FAM135B: variants seen among roughly 807,000 people sequenced by gnomAD.
The protein encoded by FAM135B is family with sequence similarity 135 member B.
A neutral mutation model predicts 127.7 loss-of-function variants in FAM135B; 43 were observed. The observed-to-expected ratio is 0.34, with a 90% CI of 0.26 to 0.43. The LOEUF is 0.43. Among genes scored for constraint, FAM135B ranks in the 20% least tolerant of loss-of-function variants. The pLI is 1.00. For synonymous variants in FAM135B, 670 were observed against 665.1 expected, an observed-to-expected ratio of 1.01 and a Z score of -0.11; for missense variants, 1,558 against 1,725.6, an observed-to-expected ratio of 0.90 and a Z score of 1.72.
chr8:138,157,418 C>G (rs79614677), intron 12 of FAM135B, among the ~76,000 whole-genome samples: 1 of 151,984 alleles, frequency 6.6e-6, no homozygotes. Flanking sequence ...ACCACTCCTA[C>G]TCAACATGGT....
rs113152854 is a variant in FAM135B, at chr8:138,378,734, CTT to C, written c.-19-10734_-19-10733del. On this transcript the variant is annotated intron_variant, in intron 1 of 19. Transcript: ENST00000395297. ...AATCAAAACCGGCTGTGTATGTTTGCTTTTTTTTTTTCACATCTGAAGACAGT... is the reference window on the plus strand; with the variant it reads ...AATCAAAACCGGCTGTGTATGTTTGCTTTTTTTTTCACATCTGAAGACAGT... 4.8e-5 allele frequency among the ~76,000 whole-genome samples: 7 copies of C among 146,746 alleles called. No individual in the cohort carries two copies. The East Asian group carries it at 1.4e-3, about 29-fold the overall frequency.
chr8:138,351,714 G>A (rs556435352), intron 2 of FAM135B, among the ~76,000 whole-genome samples: 1 of 140,754 alleles, frequency 7.1e-6, no homozygotes, highest in Non-Finnish European at 1.5e-5. Flanking sequence ...TTTTAAGATG[G>A]AATCTCACTC....
chr8:138,375,260 G>A (rs372661416), intron 1 of FAM135B, among the ~76,000 whole-genome samples: 2,693 of 151,184 alleles, frequency 0.018, 82 homozygotes, highest in African/African-American at 0.062. Flanking sequence ...TGATTGTTTT[G>A]TCAAAAATCA....
chr8:138,415,630 A>G (rs1834101441), intron 1 of FAM135B, among the ~76,000 whole-genome samples: 1 of 152,218 alleles, frequency 6.6e-6, no homozygotes, highest in South Asian at 2.1e-4. Context: ...GAAGCTTCCC[A>G]AGGAAAAAAG....
At chr8:138,143,195 C>T (rs1266113519) in intron 15 of FAM135B, 86 bp from the exon 16 acceptor site, 5 of 735,500 alleles carry the variant, frequency 6.8e-6, no homozygotes, top group Non-Finnish European at 1.2e-5. Flanking sequence ...CCACTAAACA[C>T]TGTGGCGCCT....
chr8:138,221,841 G>T (rs754448301), intron 7 of FAM135B, among the ~76,000 whole-genome samples: 1 of 152,120 alleles, frequency 6.6e-6, no homozygotes, highest in Non-Finnish European at 1.5e-5. Context: ...ATGTATATAT[G>T]AGTGTGCACA....
chr8:138,309,408 GA>G (rs1826496749), intron 3 of FAM135B, among the ~76,000 whole-genome samples: 1 of 152,162 alleles, frequency 6.6e-6, no homozygotes, highest in South Asian at 2.1e-4. Context: ...GAACACCTTG[GA>G]AATACGGCAA....
At chr8:138,205,082 T>C (rs1817452206) in intron 7 of FAM135B, among the ~76,000 whole-genome samples, 1 of 152,340 alleles carries the variant, frequency 6.6e-6, no homozygotes, top group South Asian at 2.1e-4. Context: ...TATCCCATTT[T>C]CACTGATAAG....
Position 138,159,043 on chromosome 8 carries a change from C to T in FAM135B, c.1259-5827G>A, listed in dbSNP as rs548900635. Among the ~76,000 whole-genome samples, 272 of 150,768 alleles carry T rather than the reference C, an allele frequency of 1.8e-3. 1 individual carries two copies. Among genetic ancestry groups the T allele is most frequent in the African/African-American group, 5.2e-3 (215 of 41,044 alleles). ...ATCCCAGCACTTTGGGAGGCCGAGGCGGGTGGATCATGAGGTCAGGAGATC... is the reference window on the plus strand; with the variant it reads ...ATCCCAGCACTTTGGGAGGCCGAGGTGGGTGGATCATGAGGTCAGGAGATC... On this transcript the variant is annotated intron_variant, in intron 12 of 19. Transcript: ENST00000395297.
chr8:138,268,514 CT>C (rs909755333), intron 3 of FAM135B, among the ~76,000 whole-genome samples: 1 of 152,026 alleles, frequency 6.6e-6, no homozygotes, highest in African/African-American at 2.4e-5. Flanking sequence ...GAACAGGTGT[CT>C]TTTTTTACAA....
chr8:138,194,159 T>C (rs1411946836), intron 9 of FAM135B, among the ~76,000 whole-genome samples: 1 of 152,206 alleles, frequency 6.6e-6, no homozygotes, highest in Non-Finnish European at 1.5e-5. Flanking sequence ...TACAGTCTGC[T>C]GGCCCTGCAT....
At chr8:138,300,948 C>G (rs902896167) in intron 3 of FAM135B, among the ~76,000 whole-genome samples, 3 of 152,070 alleles carry the variant, frequency 2.0e-5, no homozygotes, top group African/African-American at 4.8e-5. Flanking sequence ...GGCGGGGTTT[C>G]ACCATGTTGT....
At chr8:138,224,855 TA>T (rs1290470456) in intron 7 of FAM135B, among the ~76,000 whole-genome samples, 1 of 152,012 alleles carries the variant, frequency 6.6e-6, no homozygotes, top group South Asian at 2.1e-4. Flanking sequence ...ATGTGGAATC[TA>T]AAAAAAGTCA....
intron 7 of FAM135B, among the ~76,000 whole-genome samples, chr8:138,204,601 C>G (rs1031182141): frequency 3.3e-5 from 5 of 152,176 alleles, no homozygotes; most frequent in Admixed American, 2.0e-4. Flanking sequence ...CAGGGTCCAG[C>G]TTACCCTCAC....
chr8:138,153,326 G>T, intron 12 of FAM135B, 110 bp from the exon 13 acceptor site: 1 of 839,302 alleles, frequency 1.2e-6, no homozygotes. Context: ...GACTCGGTTC[G>T]AAGATGGGAG....
chr8:138,190,222 C>T (rs374297581), intron 9 of FAM135B, among the ~76,000 whole-genome samples: 1 of 152,318 alleles, frequency 6.6e-6, no homozygotes, highest in East Asian at 1.9e-4. Flanking sequence ...ACAACCCTCA[C>T]CACTGTAGAT....
intron 1 of FAM135B, among the ~76,000 whole-genome samples, chr8:138,378,272 G>T (rs1459693797): frequency 1.3e-5 from 2 of 152,204 alleles, no homozygotes; most frequent in African/African-American, 4.8e-5. Flanking sequence ...GAAGGCAGGA[G>T]CACCTACTGG....
chr8:138,179,558 T>A (rs116064868), intron 9 of FAM135B, among the ~76,000 whole-genome samples: 1 of 152,192 alleles, frequency 6.6e-6, no homozygotes, highest in Non-Finnish European at 1.5e-5. Context: ...CACCTTCGCA[T>A]AGTAAGTGTT....
chr8:138,287,923 T>C (rs1227024121), intron 3 of FAM135B, among the ~76,000 whole-genome samples: 1 of 152,258 alleles, frequency 6.6e-6, no homozygotes, highest in Admixed American at 6.5e-5. Context: ...ATGGTTTCTT[T>C]AGGTCTTGGA....
Sources: gnomAD v4.1 joint callset for allele counts (sites outside exome capture counted in the v4.1 genomes callset) on GRCh38, gnomAD v4.1.1 for gene constraint, MANE v1.5 for transcripts, NCBI Gene and HGNC (gene_info 2026-07-23, HGNC 2026-07-21) for gene names.